Variants in SYN3 observed in about 807,000 individuals in gnomAD.
SYN3 encodes synapsin-3.
Under a neutral mutation model 65.8 loss-of-function variants are expected in SYN3, and 35 were observed. The observed-to-expected ratio is 0.53, with a 90% CI of 0.41 to 0.70. SYN3 has a LOEUF of 0.70. Ranked by LOEUF, SYN3 falls within the 30% of genes least tolerant of loss-of-function variation. The pLI is 0.00. For synonymous variants in SYN3, 270 were observed against 292.9 expected (o/e 0.92, Z 0.80); for missense variants, 680 against 749.0 (o/e 0.91, Z 1.08).
intron 6 of SYN3, among the ~76,000 whole-genome samples, chr22:32,820,328 C>G (rs1416104506): frequency 6.7e-6 from 1 of 149,076 alleles, no homozygotes; most frequent in Non-Finnish European, 1.5e-5. Flanking sequence ...GTGTGTCATC[C>G]TCTGCTCATC....
At chr22:33,027,653 AAG>A (rs1465230814) in intron 1 of SYN3, among the ~76,000 whole-genome samples, 1 of 135,008 alleles carries the variant, frequency 7.4e-6, no homozygotes, top group Non-Finnish European at 1.6e-5. Context: ...GAGAGAGAGA[AAG>A]AAAAGAAAGA....
intron 6 of SYN3, among the ~76,000 whole-genome samples, chr22:32,683,919 G>A (rs1437221643): frequency 6.6e-6 from 1 of 152,116 alleles, no homozygotes; most frequent in Non-Finnish European, 1.5e-5. Context: ...GAATTCTTAG[G>A]TTCTCTTGCT....
intron 4 of SYN3, among the ~76,000 whole-genome samples, chr22:32,889,418 G>GA (rs137511): frequency 1.1e-4 from 16 of 146,394 alleles, no homozygotes; most frequent in Non-Finnish European, 2.0e-4. Flanking sequence ...CCTCCACAAG[G>GA]AAAAAAAAAA....
At chr22:32,727,235 G>A (rs1185880519) in intron 6 of SYN3, among the ~76,000 whole-genome samples, 2 of 152,120 alleles carry the variant, frequency 1.3e-5, no homozygotes, top group African/African-American at 2.4e-5. Context: ...GAGAACATGC[G>A]TTATTTGGTT....
chr22:32,723,015 T>C (rs1164179300), intron 6 of SYN3, among the ~76,000 whole-genome samples: 1 of 152,202 alleles, frequency 6.6e-6, no homozygotes, highest in African/African-American at 2.4e-5. Flanking sequence ...ACTAGCTCCA[T>C]TTCATTGATG....
chr22:32,798,479 C>T lies in SYN3; in HGVS notation c.711+66436G>A, dbSNP rs1381093082. ...TTTTTACGACTTCTCTTCCTACAGA[C>T]TCTAGCATCCTATAACTTGATACAA... On this transcript the variant is annotated intron_variant, in intron 6 of 13. Transcript: ENST00000358763. Among the ~76,000 whole-genome samples, 11 of 152,232 alleles carry T rather than the reference C, an allele frequency of 7.2e-5. No homozygotes were observed. The East Asian group carries it at 1.2e-3, about 16-fold the overall frequency.
chr22:32,683,074 T>C (rs1342344347), intron 6 of SYN3, among the ~76,000 whole-genome samples: 5 of 152,074 alleles, frequency 3.3e-5, no homozygotes, highest in Admixed American at 6.5e-5. Context: ...AGTGGACAAA[T>C]AGGTGTGATG....
intron 6 of SYN3, among the ~76,000 whole-genome samples, chr22:32,779,631 A>C (rs544347768): frequency 3.9e-5 from 6 of 152,298 alleles, no homozygotes; most frequent in African/African-American, 1.4e-4. Flanking sequence ...CTTGGCTCTG[A>C]GCAGTGTAAT....
intron 5 of SYN3, among the ~76,000 whole-genome samples, chr22:32,865,366 G>A (rs1178681675): frequency 6.6e-6 from 1 of 152,180 alleles, no homozygotes; most frequent in South Asian, 2.1e-4. Flanking sequence ...TAGAGAGGCA[G>A]CGCTGCATGG....
chr22:32,670,242 T>C (rs959289761), intron 6 of SYN3, among the ~76,000 whole-genome samples: 23 of 152,190 alleles, frequency 1.5e-4, no homozygotes, highest in African/African-American at 5.6e-4. Flanking sequence ...ATATAGAAAT[T>C]AGAACTAGAT....
intron 6 of SYN3, among the ~76,000 whole-genome samples, chr22:32,855,347 G>C (rs1013043412): frequency 1.3e-5 from 2 of 152,198 alleles, no homozygotes; most frequent in African/African-American, 4.8e-5. Flanking sequence ...CTGTGCCTCT[G>C]AAGGAGGCAC....
intron 2 of SYN3, among the ~76,000 whole-genome samples, chr22:32,997,350 C>T (rs2052911049): frequency 6.6e-6 from 1 of 152,206 alleles, no homozygotes; most frequent in African/African-American, 2.4e-5. Context: ...CTCTGTCATT[C>T]ATGTGCTTGT....
intron 6 of SYN3, among the ~76,000 whole-genome samples, chr22:32,758,426 A>G (rs1377645249): frequency 2.0e-5 from 3 of 151,466 alleles, no homozygotes; most frequent in Admixed American, 1.3e-4. Context: ...GGGAAGACAG[A>G]CCCACCCTTA....
intron 2 of SYN3, among the ~76,000 whole-genome samples, chr22:32,995,958 T>C (rs1320995943): frequency 6.6e-6 from 1 of 152,186 alleles, no homozygotes; most frequent in African/African-American, 2.4e-5. Flanking sequence ...GCCTTTTTTT[T>C]TCCCCCTGAA....
chr22:32,916,875 C>T (rs1038320500), intron 4 of SYN3, among the ~76,000 whole-genome samples: 1 of 152,182 alleles, frequency 6.6e-6, no homozygotes, highest in African/African-American at 2.4e-5. Context: ...AGTTTGCAAA[C>T]AGTAAATGCA....
intron 2 of SYN3, among the ~76,000 whole-genome samples, chr22:32,998,273 G>A (rs969942507): frequency 6.6e-6 from 1 of 152,132 alleles, no homozygotes; most frequent in African/African-American, 2.4e-5. Context: ...AATGCACAAG[G>A]TGCTTACCAA....
intron 7 of SYN3, among the ~76,000 whole-genome samples, chr22:32,563,888 C>T (rs1471587389): frequency 6.6e-6 from 1 of 152,070 alleles, no homozygotes; most frequent in Non-Finnish European, 1.5e-5. Flanking sequence ...AGGATGGTCT[C>T]GAACTCCTGA....
chr22:32,837,486 C>T lies in SYN3; in HGVS notation c.711+27429G>A, dbSNP rs1441593939. 2.0e-5 allele frequency among the ~76,000 whole-genome samples: 3 copies of T among 152,078 alleles called. No individual in the cohort carries two copies. Among genetic ancestry groups the T allele is most frequent in the Admixed American group, 6.5e-5 (1 of 15,278 alleles). On this transcript the variant is annotated intron_variant, in intron 6 of 13. Coordinates refer to ENST00000358763, the MANE Select transcript of SYN3 (RefSeq NM_003490.4). The surrounding 1 kb of genome is among the most constrained non-coding windows in gnomAD (Gnocchi z 4.1). ...AGATGCCCAGCCAAAACACCCAGGG[C>T]GAAACCACTCCAAGAGGTGAAAGGG...
intron 6 of SYN3, among the ~76,000 whole-genome samples, chr22:32,650,695 C>T (rs374678989): frequency 1.3e-5 from 2 of 152,300 alleles, no homozygotes; most frequent in East Asian, 3.9e-4. Context: ...CAGGCTCACA[C>T]AGCTGGTCAG....
Sources: allele counts gnomAD v4.1 joint callset (sites outside exome capture counted in the v4.1 genomes callset), GRCh38; gene constraint gnomAD v4.1.1; non-coding constraint Gnocchi (gnomAD v3.1); transcripts MANE v1.5; gene names NCBI Gene and HGNC (gene_info 2026-07-23, HGNC 2026-07-21).